Variants in ADAMTS18 observed in about 807,000 individuals in gnomAD.
ADAMTS18 encodes the protein ADAM metallopeptidase with thrombospondin type 1 motif 18, also known as A disintegrin and metalloproteinase with thrombospondin motifs 18.
Under a neutral mutation model 165.9 loss-of-function variants are expected in ADAMTS18, and 157 were observed. That is an observed-to-expected ratio of 0.95 (90% confidence interval 0.83 to 1.08). The LOEUF is 1.08. Ranked by LOEUF, ADAMTS18 falls within the 50% of genes least tolerant of loss-of-function variation. The pLI, the probability that ADAMTS18 is intolerant of heterozygous loss-of-function variation, is 0.00. For synonymous variants in ADAMTS18, 782 were observed against 578.2 expected, an observed-to-expected ratio of 1.35 and a Z score of -5.06; for missense variants, 2,040 against 1,534.0, an observed-to-expected ratio of 1.33 and a Z score of -5.51.
chr16:77,295,106 ACT>A lies in ADAMTS18; in HGVS notation c.2821_2822del (p.Ser941TyrfsTer74). 1 of 1,614,120 alleles carries A rather than the reference ACT, an allele frequency of 6.2e-7. No individual in the cohort carries two copies. Among genetic ancestry groups the A allele is most frequent in the Non-Finnish European group, 8.5e-7 (1 of 1,180,020 alleles). ...CPAYWMPGEW[S>X]TCSKACAGGQ... ...CTCCAGCACAGGCCTTGCTGCATGT[ACT>A]CCATTCACCTGGCATCCAGCTTTCA... On this transcript the variant is annotated frameshift_variant, in exon 19 of 23. Coordinates refer to ENST00000282849, the MANE Select transcript of ADAMTS18 (RefSeq NM_199355.4). LOFTEE classifies it high-confidence loss of function.
chr16:77,377,560 T>C (rs2056970661), intron 3 of ADAMTS18, among the ~76,000 whole-genome samples: 1 of 152,222 alleles, frequency 6.6e-6, no homozygotes, highest in Non-Finnish European at 1.5e-5. Flanking sequence ...AACAGCCCCA[T>C]GGGCAGTATC....
chr16:77,305,010 A>C (rs1479728226), intron 16 of ADAMTS18, among the ~76,000 whole-genome samples: 1 of 152,232 alleles, frequency 6.6e-6, no homozygotes, highest in African/African-American at 2.4e-5. Context: ...TATCATGTAG[A>C]CCGAAAGACA....
intron 21 of ADAMTS18, 38 bp from the exon 22 acceptor site, chr16:77,289,449 T>C: frequency 2.5e-6 from 4 of 1,610,324 alleles, no homozygotes; most frequent in Middle Eastern, 1.8e-4. Context: ...AGAAACACTC[T>C]ACTGAGGTCA....
chr16:77,289,394 C>G lies in ADAMTS18; in HGVS notation c.3420G>C (p.Gly1140=), dbSNP rs1251469234. ...GGACTGACCGGGTCTGGACCCCTCC[C>G]CCACAGGTGACTGTGCACTGCAGCA... ...LPWQQCTVTC[G]GGVQTRSVHC... Residue 1140 remains glycine, a synonymous_variant, in exon 22 of 23, where the codon GGG becomes GGC. Transcript: ENST00000282849. 1.2e-6 allele frequency: 2 copies of G among 1,614,062 alleles called. No homozygotes were observed. Among genetic ancestry groups the G allele is most frequent in the Admixed American group, 1.7e-5 (1 of 60,012 alleles).
intron 9 of ADAMTS18, among the ~76,000 whole-genome samples, chr16:77,354,344 G>A (rs1394796708): frequency 6.6e-6 from 1 of 152,046 alleles, no homozygotes; most frequent in Non-Finnish European, 1.5e-5. Context: ...TAATGGAGCA[G>A]AGGTCAAAGA....
chr16:77,425,069 G>A (rs1046287047), intron 3 of ADAMTS18, among the ~76,000 whole-genome samples: 3 of 152,092 alleles, frequency 2.0e-5, no homozygotes, highest in Non-Finnish European at 4.4e-5. Flanking sequence ...TTTGAAAGGG[G>A]GAGATCAAAG....
At chr16:77,379,212 C>G (rs971213190) in intron 3 of ADAMTS18, among the ~76,000 whole-genome samples, 1 of 152,166 alleles carries the variant, frequency 6.6e-6, no homozygotes, top group Non-Finnish European at 1.5e-5. Flanking sequence ...ATTAACTTCA[C>G]CACCATAAGG....
At chr16:77,329,736 T>C (rs1441875049) in intron 12 of ADAMTS18, among the ~76,000 whole-genome samples, 8 of 152,160 alleles carry the variant, frequency 5.3e-5, no homozygotes, top group Admixed American at 3.9e-4. Context: ...CATAAAAATA[T>C]AGGCAATATT....
At chr16:77,402,127 T>C (rs1440256258) in intron 3 of ADAMTS18, among the ~76,000 whole-genome samples, 1 of 152,134 alleles carries the variant, frequency 6.6e-6, no homozygotes, top group Non-Finnish European at 1.5e-5. Flanking sequence ...GTATGTCCTA[T>C]GGGTTCTGTT....
At chr16:77,421,744 A>G (rs951385434) in intron 3 of ADAMTS18, among the ~76,000 whole-genome samples, 7 of 152,076 alleles carry the variant, frequency 4.6e-5, no homozygotes, top group Non-Finnish European at 8.8e-5. Context: ...GCTTTTCACA[A>G]AGTAGGTCTC....
chr16:77,398,774 G>T (rs1287738743), intron 3 of ADAMTS18, among the ~76,000 whole-genome samples: 1 of 152,068 alleles, frequency 6.6e-6, no homozygotes, highest in African/African-American at 2.4e-5. Flanking sequence ...ACCCCCTGGG[G>T]TACAAAATTC....
chr16:77,434,527 C>T (rs1375277424), intron 1 of ADAMTS18, 22 bp from the exon 2 acceptor site: 1 of 1,544,750 alleles, frequency 6.5e-7, no homozygotes, highest in Admixed American at 1.9e-5. Flanking sequence ...AAGGTGACAT[C>T]GCGCGTGAGG....
rs764747632 is a variant in ADAMTS18, at chr16:77,322,402, G to C, written c.2097C>G (p.Gly699=). 1.2e-6 allele frequency: 2 copies of C among 1,613,790 alleles called. No individual in the cohort carries two copies. The highest frequency in any genetic ancestry group is 1.3e-5 in the African/African-American group (1 of 74,834). Residue 699 remains glycine (G), a synonymous_variant, in exon 14 of 23, where the codon GGC becomes GGG. Transcript: ENST00000282849. ...AGCAGGGAGTTCCATCTTTCACTTT[G>C]CCGGACATTGCAAAAAAAAATTCAA... ...ENFEFFFAMS[G]KVKDGTPCSP...
chr16:77,386,986 T>C (rs1300358567), intron 3 of ADAMTS18, among the ~76,000 whole-genome samples: 1 of 152,226 alleles, frequency 6.6e-6, no homozygotes, highest in Non-Finnish European at 1.5e-5. Context: ...GCTTGCCTTC[T>C]GTAGCATCCA....
chr16:77,414,739 A>ATTTGAAATAG (rs2057507961), intron 3 of ADAMTS18, among the ~76,000 whole-genome samples: 2 of 152,358 alleles, frequency 1.3e-5, no homozygotes, highest in South Asian at 4.1e-4. Context: ...ATTCAAATAA[A>ATTTGAAATAG]CATCTTCAAA....
At chr16:77,382,740 C>T (rs1040320514) in intron 3 of ADAMTS18, among the ~76,000 whole-genome samples, 1 of 152,176 alleles carries the variant, frequency 6.6e-6, no homozygotes, top group Non-Finnish European at 1.5e-5. Context: ...CTGTGAATGA[C>T]CAAGACGACA....
intron 3 of ADAMTS18, among the ~76,000 whole-genome samples, chr16:77,395,805 A>C (rs2057249554): frequency 6.6e-6 from 1 of 152,170 alleles, no homozygotes; most frequent in African/African-American, 2.4e-5. Flanking sequence ...ACCCTCGAGA[A>C]ATTTGAATTG....
At chr16:77,336,373 A>T (rs967529836) in intron 11 of ADAMTS18, among the ~76,000 whole-genome samples, 3 of 152,232 alleles carry the variant, frequency 2.0e-5, no homozygotes, top group Admixed American at 6.5e-5. Context: ...CAGTTAAGAT[A>T]TTAACACGAT....
intron 3 of ADAMTS18, among the ~76,000 whole-genome samples, chr16:77,389,824 G>T (rs2057161588): frequency 6.6e-6 from 1 of 152,174 alleles, no homozygotes; most frequent in South Asian, 2.1e-4. Context: ...GATTTTTTAA[G>T]CATAGAATCG....
Sources: gnomAD v4.1 joint callset for allele counts (sites outside exome capture counted in the v4.1 genomes callset) on GRCh38, gnomAD v4.1.1 for gene constraint, MANE v1.5 for transcripts, NCBI Gene and HGNC (gene_info 2026-07-23, HGNC 2026-07-21) for gene names.